The following ACYP2 variants were observed in gnomAD, a reference collection of about 807,000 sequenced individuals.
The protein encoded by ACYP2 is acylphosphatase 2, also known as acylphosphatase-2.
ACYP2 carries 12 observed loss-of-function variants against 11.2 expected under a neutral mutation model. The ratio of observed to expected loss-of-function variants is 1.08; its 90% CI spans 0.69 to 1.74. ACYP2 has a LOEUF of 1.74. ACYP2 is among the 40% of genes most tolerant of loss of function. The pLI is 0.00. For missense variants in ACYP2, 134 were observed against 101.9 expected (o/e 1.31, Z -1.35); for synonymous variants, 43 against 32.2 (o/e 1.33, Z -1.13).
At chr2:53,985,890 C>T (rs1274349098) in intron 2 of ACYP2, among the ~76,000 whole-genome samples, 1 of 152,206 alleles carries the variant, frequency 6.6e-6, no homozygotes, top group Non-Finnish European at 1.5e-5. Flanking sequence ...AATCCCAGCA[C>T]TTCAGGAAGC....
chr2:53,994,047 G>A lies in ACYP2; in HGVS notation c.62+20237G>A, dbSNP rs139509613. ...AAAAATCGTACAAAATATTAGCCAGGCGGCTGGGCGTAGTGGCTCACGCCT... is the reference window on the plus strand; with the variant it reads ...AAAAATCGTACAAAATATTAGCCAGACGGCTGGGCGTAGTGGCTCACGCCT... On this transcript the variant is annotated intron_variant, in intron 2 of 6. Coordinates refer to ENST00000607452, the MANE Select transcript of ACYP2 (RefSeq NM_001320586.2). 7.1e-3 allele frequency among the ~76,000 whole-genome samples: 1,082 copies of A among 151,850 alleles called. 5 individuals carry two copies. Among genetic ancestry groups the A allele is most frequent in the Middle Eastern group, 0.041 (12 of 292 alleles).
chr2:54,005,592 G>T (rs1385687551), intron 2 of ACYP2, among the ~76,000 whole-genome samples: 1 of 152,172 alleles, frequency 6.6e-6, no homozygotes, highest in East Asian at 1.9e-4. Context: ...ACCTGCCTCA[G>T]CCTCCCAAAG....
intron 4 of ACYP2, among the ~76,000 whole-genome samples, chr2:54,105,607 C>T (rs892474373): frequency 6.6e-6 from 1 of 152,074 alleles, no homozygotes; most frequent in Non-Finnish European, 1.5e-5. Flanking sequence ...GCTGGGACTA[C>T]AGGTGCAGCC....
intron 2 of ACYP2, among the ~76,000 whole-genome samples, chr2:54,010,827 C>G (rs1227729184): frequency 6.9e-6 from 1 of 144,506 alleles, no homozygotes; most frequent in East Asian, 2.1e-4. Flanking sequence ...CGCCACTACA[C>G]CTGGCTAATT....
intron 4 of ACYP2, among the ~76,000 whole-genome samples, chr2:54,116,417 G>C (rs1679793266): frequency 6.6e-6 from 1 of 151,490 alleles, no homozygotes; most frequent in Non-Finnish European, 1.5e-5. Context: ...TTCAACAATG[G>C]GAAATTTTAC....
chr2:54,267,066 C>G (rs1688065983), intron 6 of ACYP2, among the ~76,000 whole-genome samples: 1 of 152,200 alleles, frequency 6.6e-6, no homozygotes, highest in Admixed American at 6.5e-5. Flanking sequence ...TAATTCTTAT[C>G]TCTTGTGGTG....
At chr2:53,979,745 A>C (rs1040564720) in intron 2 of ACYP2, among the ~76,000 whole-genome samples, 19 of 151,878 alleles carry the variant, frequency 1.3e-4, no homozygotes, top group Non-Finnish European at 2.2e-4. Flanking sequence ...TCTGTGGCTC[A>C]GGCTAGAGTG....
At chr2:53,990,313 A>T (rs530172311) in intron 2 of ACYP2, among the ~76,000 whole-genome samples, 5 of 152,110 alleles carry the variant, frequency 3.3e-5, no homozygotes, top group African/African-American at 1.2e-4. Flanking sequence ...CTTCTATTTA[A>T]TTTAGCCAGA....
Position 54,303,448 on chromosome 2 carries a change from C to T in ACYP2, c.405-1240C>T, listed in dbSNP as rs190794951. The stretch of plus-strand genomic sequence containing the variant: ...AGTTTTCTAGGAGGTTTCAAGAAGA[C>T]GTGGCTAGTAAAGTTGAAGCTATCA... On this transcript the variant is annotated intron_variant, in intron 6 of 6. Coordinates refer to ENST00000607452, the MANE Select transcript of ACYP2 (RefSeq NM_001320586.2). Among the ~76,000 whole-genome samples, 163 of 152,216 alleles carry T rather than the reference C, an allele frequency of 1.1e-3. 1 individual carries two copies. In the East Asian group the frequency reaches 0.022, roughly 20 times the overall value.
intron 4 of ACYP2, among the ~76,000 whole-genome samples, chr2:54,071,007 C>T (rs1677013287): frequency 1.3e-5 from 2 of 152,088 alleles, no homozygotes; most frequent in African/African-American, 4.8e-5. Context: ...CTGCCTTGGC[C>T]TCCCAAAGTG....
At chr2:54,289,338 G>A (rs904389191) in intron 6 of ACYP2, among the ~76,000 whole-genome samples, 1 of 151,864 alleles carries the variant, frequency 6.6e-6, no homozygotes, top group Middle Eastern at 3.2e-3. Flanking sequence ...GAAAACTACA[G>A]CAGATTTAAG....
intron 6 of ACYP2, among the ~76,000 whole-genome samples, chr2:54,266,920 A>C (rs1207039014): frequency 6.6e-6 from 1 of 152,014 alleles, no homozygotes; most frequent in African/African-American, 2.4e-5. Flanking sequence ...AGGTGCAGAA[A>C]TGTTAATTTG....
rs571605488 is a variant in ACYP2 at position 53,982,329 on chromosome 2, A to G, written c.62+8519A>G. Among the ~76,000 whole-genome samples the G allele has an allele frequency of 3.9e-4, 59 of 152,346 alleles. No individual in the cohort carries two copies. In the South Asian group the frequency reaches 5.4e-3, roughly 14 times the overall value. On this transcript the variant is annotated intron_variant, in intron 2 of 6. Coordinates refer to ENST00000607452, the MANE Select transcript of ACYP2 (RefSeq NM_001320586.2). Reference sequence around the variant, plus strand: ...GCAGAATACCTTTTGAAATTTACAGACACATAAAAGGTATAATATATCAAA... The same window carrying G: ...GCAGAATACCTTTTGAAATTTACAGGCACATAAAAGGTATAATATATCAAA...
At chr2:54,016,828 C>A (rs1199766890) in intron 2 of ACYP2, among the ~76,000 whole-genome samples, 1 of 151,524 alleles carries the variant, frequency 6.6e-6, no homozygotes, top group African/African-American at 2.4e-5. Context: ...TGGGTTCACG[C>A]CATTCTCCTG....
chr2:54,233,305 C>CTTTT (rs1213428258), intron 6 of ACYP2, among the ~76,000 whole-genome samples: 4 of 129,226 alleles, frequency 3.1e-5, no homozygotes, highest in South Asian at 2.5e-4. Context: ...CCCTTCCAAA[C>CTTTT]TTTTTTTTTT....
chr2:54,201,682 CTCTCTCTCTCTCTCTCT>C (rs1684834200), intron 6 of ACYP2, among the ~76,000 whole-genome samples: 3 of 110,840 alleles, frequency 2.7e-5, no homozygotes, highest in African/African-American at 7.2e-5. Context: ...TTCTTTCTTT[CTCTCTCTCTCTCTCTCT>C]TTTTTCTTTT....
chr2:54,252,920 T>G (rs911352214), intron 6 of ACYP2, among the ~76,000 whole-genome samples: 1 of 143,890 alleles, frequency 6.9e-6, no homozygotes, highest in Non-Finnish European at 1.5e-5. Flanking sequence ...AAAAAAAATA[T>G]GCCAATGGTA....
At chr2:54,150,069 G>T (rs1345800775) in intron 6 of ACYP2, among the ~76,000 whole-genome samples, 3 of 152,160 alleles carry the variant, frequency 2.0e-5, no homozygotes, top group African/African-American at 4.8e-5. Flanking sequence ...TATAATGGTG[G>T]AATTTTATCA....
chr2:54,221,146 A>G (rs977377834), intron 6 of ACYP2, among the ~76,000 whole-genome samples: 4 of 152,170 alleles, frequency 2.6e-5, no homozygotes, highest in African/African-American at 9.7e-5. Flanking sequence ...CAGAATTAAC[A>G]CAAGTGAATC....
Sources: allele counts gnomAD v4.1 joint callset (sites outside exome capture counted in the v4.1 genomes callset), GRCh38; gene constraint gnomAD v4.1.1; transcripts MANE v1.5; gene names NCBI Gene and HGNC (gene_info 2026-07-23, HGNC 2026-07-21).